The following PRKAG2 variants were observed in gnomAD, a reference collection of about 807,000 sequenced individuals.
PRKAG2 encodes protein kinase AMP-activated non-catalytic subunit gamma 2.
Under a neutral mutation model 69.6 loss-of-function variants are expected in PRKAG2, and 26 were observed. The observed-to-expected ratio is 0.37, with a 90% CI of 0.27 to 0.52. PRKAG2 has a LOEUF of 0.52. Among genes scored for constraint, PRKAG2 ranks in the 20% least tolerant of loss-of-function variants. The pLI, the probability that PRKAG2 is intolerant of heterozygous loss-of-function variation, is 0.90. For synonymous variants in PRKAG2, 293 were observed against 285.0 expected (o/e 1.03, Z -0.28); for missense variants, 557 against 740.0 (o/e 0.75, Z 2.87).
At chr7:151,795,873 AT>A (rs1563689587) in intron 1 of PRKAG2, among the ~76,000 whole-genome samples, 4 of 115,098 alleles carry the variant, frequency 3.5e-5, no homozygotes, top group Admixed American at 1.0e-4. Flanking sequence ...ATATATATAT[AT>A]ATATATATAT....
At chr7:151,856,169 C>T (rs2079770755) in intron 1 of PRKAG2, among the ~76,000 whole-genome samples, 1 of 152,210 alleles carries the variant, frequency 6.6e-6, no homozygotes, top group African/African-American at 2.4e-5. Context: ...TTCTCATGGC[C>T]ACCTGCAGGC....
chr7:151,863,732 T>G (rs1193756286), intron 1 of PRKAG2, among the ~76,000 whole-genome samples: 1 of 152,076 alleles, frequency 6.6e-6, no homozygotes, highest in Non-Finnish European at 1.5e-5. Context: ...CCTGGCAAGA[T>G]GATGAAGCCC....
rs1193869816 is a variant in PRKAG2 at position 151,560,347 on chromosome 7, C to CA, written c.1678+176dup. ...ATACGTTCTATACACTTTCCTCACT[C>CA]ACGCAGAACACTTAAACTTCCCAAC... On this transcript the variant is annotated intron_variant, in intron 15 of 15. Coordinates refer to ENST00000287878, the MANE Select transcript of PRKAG2 (RefSeq NM_016203.4). 2.6e-6 allele frequency: 4 copies of CA among 1,520,340 alleles called. No individual in the cohort carries two copies. In the Admixed American group the frequency reaches 7.9e-5, roughly 30 times the overall value. 94.2% of individuals were successfully genotyped at this position (1,520,340 alleles called of 1,614,324 possible).
intron 1 of PRKAG2, among the ~76,000 whole-genome samples, chr7:151,853,106 C>T (rs887011010): frequency 2.6e-5 from 4 of 152,080 alleles, no homozygotes; most frequent in Non-Finnish European, 5.9e-5. Context: ...TCGGAGAGCT[C>T]GGGACCCAGG....
At chr7:151,754,669 G>A (rs115389468) in intron 3 of PRKAG2, among the ~76,000 whole-genome samples, 7,266 of 151,882 alleles carry the variant, frequency 0.048, 256 homozygotes, top group Middle Eastern at 0.095. Context: ...GGGAGGCTGG[G>A]CTTTGGCTTC....
chr7:151,559,049 G>A (rs2150965493), intron 15 of PRKAG2: 1 of 985,422 alleles, frequency 1.0e-6, no homozygotes, highest in African/African-American at 1.7e-5. Context: ...AAGGTGCCAA[G>A]CTATATACCT....
Position 151,814,747 on chromosome 7 carries a change from G to A in PRKAG2, c.115-28206C>T, listed in dbSNP as rs564616882. On this transcript the variant is annotated intron_variant, in intron 1 of 15. Coordinates refer to ENST00000287878, the MANE Select transcript of PRKAG2 (RefSeq NM_016203.4). The surrounding 1 kb of genome is among the most constrained non-coding windows in gnomAD (Gnocchi z 4.8). ...GCTGGCCTAAGACAGCGCAGGCAACGGTCTTGGTGGCTGGAGCTGCTTTGC... is the reference window on the plus strand; with the variant it reads ...GCTGGCCTAAGACAGCGCAGGCAACAGTCTTGGTGGCTGGAGCTGCTTTGC... 21 of 1,201,922 alleles carry A rather than the reference G, an allele frequency of 1.7e-5. No homozygotes were observed. The highest frequency in any genetic ancestry group is 8.3e-5 in the South Asian group (2 of 24,130). 74.5% of individuals were successfully genotyped at this position (1,201,922 alleles called of 1,614,324 possible). A position where few individuals can be genotyped will look rare whatever the true frequency, so the allele number is the denominator to read the frequency against.
intron 4 of PRKAG2, among the ~76,000 whole-genome samples, chr7:151,667,851 G>A (rs1831277918): frequency 6.6e-6 from 1 of 152,218 alleles, no homozygotes; most frequent in African/African-American, 2.4e-5. Context: ...GTATGAATAA[G>A]CACAGTCAAG....
chr7:151,834,234 T>C (rs2079098237), intron 1 of PRKAG2, among the ~76,000 whole-genome samples: 3 of 152,162 alleles, frequency 2.0e-5, no homozygotes, highest in Non-Finnish European at 4.4e-5. Flanking sequence ...GTGATCATGA[T>C]TTGTCTTAAA....
intron 3 of PRKAG2, among the ~76,000 whole-genome samples, chr7:151,767,155 G>C (rs1190447804): frequency 6.6e-6 from 1 of 152,190 alleles, no homozygotes; most frequent in African/African-American, 2.4e-5. Context: ...CCAAGCCAAG[G>C]AATGGCAGTG....
At chr7:151,694,370 G>A (rs1836232904) in intron 3 of PRKAG2, among the ~76,000 whole-genome samples, 1 of 152,174 alleles carries the variant, frequency 6.6e-6, no homozygotes, top group Admixed American at 6.5e-5. Context: ...TAACCACACT[G>A]CTGTGCAGCC....
chr7:151,847,775 G>A (rs1241664613), intron 1 of PRKAG2, among the ~76,000 whole-genome samples: 1 of 152,234 alleles, frequency 6.6e-6, no homozygotes, highest in Non-Finnish European at 1.5e-5. Context: ...TGTCCTCTGG[G>A]GTTTCAGGTG....
At chr7:151,575,667 C>G (rs907157946) in intron 7 of PRKAG2, among the ~76,000 whole-genome samples, 10 of 152,090 alleles carry the variant, frequency 6.6e-5, no homozygotes, top group Non-Finnish European at 1.5e-4. Flanking sequence ...TGTGCACTAG[C>G]GAGATGAGTG....
chr7:151,861,527 CCAAAAAA>C (rs2079924110), intron 1 of PRKAG2, among the ~76,000 whole-genome samples: 2 of 60,396 alleles, frequency 3.3e-5, no homozygotes, highest in Non-Finnish European at 3.3e-5. Context: ...GACTCTGTCT[CCAAAAAA>C]AAAAAAAAAA....
At chr7:151,679,405 G>T (rs1232226281) in intron 3 of PRKAG2, among the ~76,000 whole-genome samples, 1 of 152,130 alleles carries the variant, frequency 6.6e-6, no homozygotes, top group Non-Finnish European at 1.5e-5. Flanking sequence ...ATGCACCTAG[G>T]ACAGGCTATC....
chr7:151,762,382 C>T (rs576167850), intron 3 of PRKAG2, among the ~76,000 whole-genome samples: 2 of 152,294 alleles, frequency 1.3e-5, no homozygotes, highest in African/African-American at 4.8e-5. Context: ...TATGTTAATT[C>T]TTACATATAC....
chr7:151,613,027 C>A (rs918269920), intron 5 of PRKAG2, among the ~76,000 whole-genome samples: 2 of 152,122 alleles, frequency 1.3e-5, no homozygotes, highest in East Asian at 1.9e-4. Context: ...GGGAGCCCAG[C>A]CGATGTGTCC....
chr7:151,768,860 C>T lies in PRKAG2; in HGVS notation c.466+12292G>A, dbSNP rs4521679. On this transcript the variant is annotated intron_variant, in intron 3 of 15. Coordinates refer to ENST00000287878, the MANE Select transcript of PRKAG2 (RefSeq NM_016203.4). The stretch of plus-strand genomic sequence containing the variant: ...GGACAGCCCGTGCCTGAAGAAACAG[C>T]GACTCTGTAGCCTTGCTCTTTCTTC... Among the ~76,000 whole-genome samples the T allele has an allele frequency of 2.3e-3, 346 of 152,312 alleles. 4 individuals carry two copies. The East Asian group carries it at 0.053, about 23-fold the overall frequency.
intron 5 of PRKAG2, among the ~76,000 whole-genome samples, chr7:151,609,265 C>T (rs1387648381): frequency 6.6e-6 from 1 of 151,978 alleles, no homozygotes; most frequent in Non-Finnish European, 1.5e-5. Context: ...ATTACTTTTT[C>T]TGAAACCCAT....
Sources: allele counts gnomAD v4.1 joint callset (sites outside exome capture counted in the v4.1 genomes callset), GRCh38; gene constraint gnomAD v4.1.1; non-coding constraint Gnocchi (gnomAD v3.1); transcripts MANE v1.5; gene names NCBI Gene and HGNC (gene_info 2026-07-23, HGNC 2026-07-21).